The following ROCK1 variants were observed in gnomAD, a reference collection of about 807,000 sequenced individuals.
The protein encoded by ROCK1 is Rho associated coiled-coil containing protein kinase 1.
In ROCK1, 36 loss-of-function variants were observed where a neutral mutation model predicts 196.8. The observed-to-expected ratio is 0.18, with a 90% CI of 0.14 to 0.24. The LOEUF is 0.24. Among genes scored for constraint, ROCK1 ranks in the 10% least tolerant of loss-of-function variants. The pLI is 1.00. For missense variants in ROCK1, 920 were observed against 1,562.0 expected, an observed-to-expected ratio of 0.59 and a Z score of 6.93; for synonymous variants, 443 against 515.9, an observed-to-expected ratio of 0.86 and a Z score of 1.91.
At chr18:21,017,264 T>G (rs777124480) in intron 12 of ROCK1, among the ~76,000 whole-genome samples, 19 of 140,482 alleles carry the variant, frequency 1.4e-4, no homozygotes, top group Non-Finnish European at 2.4e-4. Flanking sequence ...CAATCTCAGC[T>G]CACTGCAAGC....
chr18:20,986,819 G>A (rs1350438059), intron 19 of ROCK1, 131 bp downstream of exon 19: 1 of 797,270 alleles, frequency 1.3e-6, no homozygotes, highest in Non-Finnish European at 1.9e-6. Context: ...ATACAGCAGT[G>A]AACACAGACC....
chr18:21,088,694 A>AT (rs1311188346), intron 1 of ROCK1, among the ~76,000 whole-genome samples: 4 of 152,184 alleles, frequency 2.6e-5, no homozygotes, highest in Non-Finnish European at 5.9e-5. Context: ...TGTAAAGGTC[A>AT]TGAGGGCAGA....
intron 18 of ROCK1, among the ~76,000 whole-genome samples, chr18:20,989,394 A>G (rs952993438): frequency 6.6e-6 from 1 of 152,244 alleles, no homozygotes; most frequent in African/African-American, 2.4e-5. Context: ...GGATGAGATT[A>G]TGAGCTTTCT....
At chr18:21,005,180 T>G (rs976009638) in intron 16 of ROCK1, among the ~76,000 whole-genome samples, 1 of 152,234 alleles carries the variant, frequency 6.6e-6, no homozygotes, top group African/African-American at 2.4e-5. Context: ...GGAATCTTTT[T>G]GAAAACAAAC....
intron 9 of ROCK1, 79 bp from the exon 10 acceptor site, chr18:21,029,014 G>A: frequency 7.2e-7 from 1 of 1,380,962 alleles, no homozygotes; most frequent in South Asian, 1.3e-5. Flanking sequence ...ACCAACTACT[G>A]ATGGTTTCTC....
At chr18:20,952,765 G>C in intron 32 of ROCK1, among the ~76,000 whole-genome samples, 1 of 151,650 alleles carries the variant, frequency 6.6e-6, no homozygotes. Flanking sequence ...GTGACAGAGT[G>C]AGACTCTGTC....
intron 29 of ROCK1, among the ~76,000 whole-genome samples, chr18:20,959,217 TA>T (rs796733590): frequency 1.1e-4 from 9 of 84,536 alleles, no homozygotes; most frequent in South Asian, 3.5e-4. Context: ...ATAATATATA[TA>T]TTTTTTTTTT....
At chr18:20,994,279 A>C in intron 16 of ROCK1, among the ~76,000 whole-genome samples, 1 of 152,240 alleles carries the variant, frequency 6.6e-6, no homozygotes, top group East Asian at 1.9e-4. Flanking sequence ...AAATGTGCTA[A>C]GATGTTTAAA....
In ROCK1 at chr18:21,078,341, T is replaced by TACACACAC. The variant is rs59499705; in HGVS notation, c.94-7736_94-7729dup. ...AAGACTCTATCTCAAAACACCCACC[T>TACACACAC]ACACACACACACACACACACACACA... On this transcript the variant is annotated intron_variant, in intron 1 of 32. Coordinates refer to ENST00000399799, the MANE Select transcript of ROCK1 (RefSeq NM_005406.3). 4.8e-3 allele frequency among the ~76,000 whole-genome samples: 620 copies of TACACACAC among 128,804 alleles called. 5 individuals are homozygous for TACACACAC. Among genetic ancestry groups the TACACACAC allele is most frequent in the African/African-American group, 0.018 (572 of 32,172 alleles). 84.5% of individuals were successfully genotyped at this position (128,804 alleles called of 152,430 possible).
intron 1 of ROCK1, among the ~76,000 whole-genome samples, chr18:21,109,797 T>C (rs545534967): frequency 6.6e-6 from 1 of 152,344 alleles, no homozygotes; most frequent in South Asian, 2.1e-4. Context: ...ATGCGATTTT[T>C]GAATTGTATT....
chr18:20,948,970 C>G lies in ROCK1; in HGVS notation c.*2414G>C, dbSNP rs889040821. The G allele has an allele frequency of 1.3e-5, 2 of 149,816 alleles. No homozygotes were observed. Among genetic ancestry groups the G allele is most frequent in the African/African-American group, 4.9e-5 (2 of 40,812 alleles). 9.3% of individuals were successfully genotyped at this position (149,816 alleles called of 1,614,324 possible). ...AGAACCAGCAGTGGTAGTGTGGATT[C>G]CTGATTATGGCACTATCTGGACCCT... On this transcript the variant is annotated 3_prime_UTR_variant, in exon 33 of 33. Coordinates refer to ENST00000399799, the MANE Select transcript of ROCK1 (RefSeq NM_005406.3).
intron 10 of ROCK1, among the ~76,000 whole-genome samples, chr18:21,027,822 C>T (rs2035972833): frequency 1.7e-5 from 2 of 119,506 alleles, no homozygotes; most frequent in African/African-American, 3.3e-5. Flanking sequence ...AGTGCAGTGG[C>T]GCGATCTCGG....
At chr18:21,095,050 C>CAAAAAA (rs777577556) in intron 1 of ROCK1, among the ~76,000 whole-genome samples, 2 of 53,782 alleles carry the variant, frequency 3.7e-5, no homozygotes, top group East Asian at 6.2e-4. Context: ...AACTCTGTCT[C>CAAAAAA]AAAAAAAAAA....
intron 16 of ROCK1, 96 bp downstream of exon 16, chr18:21,006,255 C>T (rs1361079101): frequency 1.1e-6 from 1 of 912,098 alleles, no homozygotes; most frequent in Non-Finnish European, 1.6e-6. Context: ...TTGTGAACTG[C>T]ATTTAATCCC....
chr18:21,077,022 G>A (rs1395347847), intron 1 of ROCK1, among the ~76,000 whole-genome samples: 5 of 147,874 alleles, frequency 3.4e-5, no homozygotes, highest in Non-Finnish European at 5.9e-5. Flanking sequence ...GCCGGACTGC[G>A]GACTGCAGTG....
chr18:20,992,984 C>A, intron 16 of ROCK1, 47 bp from the exon 17 acceptor site: 1 of 1,179,674 alleles, frequency 8.5e-7, no homozygotes, highest in South Asian at 1.3e-5. Flanking sequence ...TGAAAGAAGT[C>A]TTTTTGTTCA....
Position 20,967,009 on chromosome 18 carries a change from A to C in ROCK1, c.3260T>G (p.Ile1087Ser). 1 of 1,612,590 alleles carries C rather than the reference A, an allele frequency of 6.2e-7. No homozygotes were observed. Among genetic ancestry groups the C allele is most frequent in the South Asian group, 1.1e-5 (1 of 91,036 alleles). ...CAAAAGTTTAGCACGCAATTGCTCA[A>C]TATCACTCTCTTTGCTGGCCAACTG... ...QMQLASKESD[I>S]EQLRAKLLDL... The change falls in exon 27 of 33, where the codon ATT becomes AGT. Residue 1087 changes from isoleucine (I) to serine (S), a missense_variant. Ile to Ser is a moderately radical substitution (Grantham distance 142, BLOSUM62 -2). Around this residue, in one of 6 missense-constraint regions of ROCK1, gnomAD observed 116 missense variants for 204.2 expected, o/e 0.57. Transcript: ENST00000399799.
At chr18:21,081,752 C>T (rs906821487) in intron 1 of ROCK1, among the ~76,000 whole-genome samples, 1 of 152,016 alleles carries the variant, frequency 6.6e-6, no homozygotes, top group African/African-American at 2.4e-5. Flanking sequence ...AAAAGGGTAA[C>T]TTACATAAAA....
intron 22 of ROCK1, among the ~76,000 whole-genome samples, chr18:20,974,928 G>C (rs1276666698): frequency 6.6e-6 from 1 of 152,126 alleles, no homozygotes; most frequent in Admixed American, 6.6e-5. Flanking sequence ...CTCTCCTCTA[G>C]CTACTGCTAC....
Sources: gnomAD v4.1 joint callset for allele counts (sites outside exome capture counted in the v4.1 genomes callset) on GRCh38, gnomAD v4.1.1 for gene constraint, gnomAD v4.1.1 regional missense constraint, MANE v1.5 for transcripts, NCBI Gene and HGNC (gene_info 2026-07-23, HGNC 2026-07-21) for gene names.